CPLX3: variants seen among roughly 807,000 people sequenced by gnomAD.
The protein encoded by CPLX3 is complexin 3.
A neutral mutation model predicts 17.2 loss-of-function variants in CPLX3; 12 were observed. The observed-to-expected ratio is 0.70, with a 90% CI of 0.45 to 1.13. The LOEUF is 1.13. Ranked by LOEUF, CPLX3 falls within the 50% of genes most tolerant of loss-of-function variation. CPLX3 has a pLI of 0.00. For missense variants in CPLX3, 172 were observed against 203.2 expected (o/e 0.85, Z 0.93); for synonymous variants, 75 against 79.4 (o/e 0.94, Z 0.29).
Position 74,826,939 on chromosome 15 carries a change from G to T in CPLX3, c.164+72G>T. Reference sequence around the variant, plus strand: ...CCACAGCTGCTCAGTCCATCCCCGGGCCAGCCTCAGGTCCCAATCCCTTCT... The same window carrying T: ...CCACAGCTGCTCAGTCCATCCCCGGTCCAGCCTCAGGTCCCAATCCCTTCT... On this transcript the variant is annotated intron_variant, in intron 1 of 2. Transcript: ENST00000395018. This position sits in a 1 kb window ranked among gnomAD's most constrained non-coding sequence, Gnocchi z 5.0. 7.2e-7 allele frequency: 1 copy of T among 1,396,904 alleles called. No homozygotes were observed. The highest frequency in any genetic ancestry group is 1.3e-5 in the South Asian group (1 of 79,106). The allele number at this position is 1,396,904 out of a possible 1,614,324, so 86.5% of individuals were successfully genotyped here.
intron 1 of CPLX3, 112 bp from the exon 2 acceptor site, chr15:74,827,922 G>A: frequency 1.2e-6 from 1 of 848,278 alleles, no homozygotes; most frequent in Non-Finnish European, 1.9e-6. Flanking sequence ...GCTACACACA[G>A]GGACCAATGC....
chr15:74,827,904 G>A, intron 1 of CPLX3, 130 bp from the exon 2 acceptor site: 1 of 706,138 alleles, frequency 1.4e-6, no homozygotes, highest in Non-Finnish European at 2.5e-6. Context: ...CCGGGTTGGA[G>A]CGCTTTTGCT....
At chr15:74,827,551 CA>C (rs1339831496) in intron 1 of CPLX3, among the ~76,000 whole-genome samples, 1 of 152,226 alleles carries the variant, frequency 6.6e-6, no homozygotes, top group Non-Finnish European at 1.5e-5. Context: ...GATAAAGTCT[CA>C]TAAATGATAG....
At chr15:74,828,928 G>A (rs1357483078) in intron 2 of CPLX3, among the ~76,000 whole-genome samples, 1 of 152,150 alleles carries the variant, frequency 6.6e-6, no homozygotes, top group Non-Finnish European at 1.5e-5. Flanking sequence ...GGGGAATGAA[G>A]CACAAATCTC....
At chr15:74,828,932 A>C (rs1420499365) in intron 2 of CPLX3, among the ~76,000 whole-genome samples, 1 of 152,222 alleles carries the variant, frequency 6.6e-6, no homozygotes, top group Non-Finnish European at 1.5e-5. Flanking sequence ...AATGAAGCAC[A>C]AATCTCTCCC....
At chr15:74,829,911 C>T (rs555934973) in intron 2 of CPLX3, among the ~76,000 whole-genome samples, 1 of 151,446 alleles carries the variant, frequency 6.6e-6, no homozygotes, top group African/African-American at 2.4e-5. Context: ...TGTATTCCCC[C>T]GGCACTTTGG....
intron 2 of CPLX3, 51 bp downstream of exon 2, chr15:74,828,172 C>T (rs1483607182): frequency 6.8e-7 from 1 of 1,461,680 alleles, no homozygotes; most frequent in South Asian, 1.2e-5. Flanking sequence ...GCTCTGGGTT[C>T]TGGACTCCTT....
At chr15:74,827,277 AGATGGGG>A (rs2063948165) in intron 1 of CPLX3, among the ~76,000 whole-genome samples, 3 of 152,218 alleles carry the variant, frequency 2.0e-5, no homozygotes, top group African/African-American at 7.2e-5. Flanking sequence ...ACAGACCCTG[AGATGGGG>A]GCACTCACAA....
At chr15:74,830,026 T>A in intron 2 of CPLX3, 104 bp from the exon 3 acceptor site, 16 of 722,986 alleles carry the variant, frequency 2.2e-5, no homozygotes, top group Middle Eastern at 4.0e-4. Context: ...AAAAATAGAA[T>A]CTAGGGGCCT....
chr15:74,826,958 C>A lies in CPLX3; in HGVS notation c.164+91C>A. On this transcript the variant is annotated intron_variant, in intron 1 of 2. Transcript: ENST00000395018. The surrounding 1 kb of genome is among the most constrained non-coding windows in gnomAD (Gnocchi z 5.0). The stretch of plus-strand genomic sequence containing the variant: ...CCCCGGGCCAGCCTCAGGTCCCAAT[C>A]CCTTCTCCCCTACTTTCCTAGACAC... 8.7e-7 allele frequency: 1 copy of A among 1,154,426 alleles called. No homozygotes were observed. Among genetic ancestry groups the A allele is most frequent in the Non-Finnish European group, 1.2e-6 (1 of 813,362 alleles). The allele number at this position is 1,154,426 out of a possible 1,614,324, so 71.5% of individuals were successfully genotyped here.
Position 74,830,203 on chromosome 15 carries a change from T to G in CPLX3, c.326T>G (p.Ile109Ser). 6.2e-7 allele frequency: 1 copy of G among 1,613,688 alleles called. No homozygotes were observed. Among genetic ancestry groups the G allele is most frequent in the Non-Finnish European group, 8.5e-7 (1 of 1,179,962 alleles). The change falls in exon 3 of 3, where the codon ATC becomes AGC. Residue 109 changes from isoleucine to serine, a missense_variant. By Grantham distance (142) the Ile-to-Ser change is moderately radical (BLOSUM62 -2). Transcript: ENST00000395018. ...CTGCCCCGGGAGCTGGCCAAGATGA[T>G]CGAGGAGGACACAGAGGAGGAGGAG... ...VELPRELAKM[I>S]EEDTEEEEEK...
chr15:74,831,059 T>C lies in CPLX3; in HGVS notation c.*705T>C, dbSNP rs1019168917. ...TGGGCTCTGGGAGCCGGAGCGATGCTGTGTGAGAGGCAGAGTGCCAAGGAT... is the reference window on the plus strand; with the variant it reads ...TGGGCTCTGGGAGCCGGAGCGATGCCGTGTGAGAGGCAGAGTGCCAAGGAT... On this transcript the variant is annotated 3_prime_UTR_variant, in exon 3 of 3. Coordinates refer to ENST00000395018, the MANE Select transcript of CPLX3 (RefSeq NM_001030005.3). The C allele has an allele frequency of 6.6e-6, 1 of 152,640 alleles. No individual in the cohort carries two copies. Among genetic ancestry groups the C allele is most frequent in the Non-Finnish European group, 1.5e-5 (1 of 68,064 alleles). The allele number at this position is 152,640 out of a possible 1,614,324, so 9.5% of individuals were successfully genotyped here.
Position 74,826,690 on chromosome 15 carries a change from G to A in CPLX3, c.-14G>A, listed in dbSNP as rs764014386. ...CGTGGTAGCAGGCGCCCGGTGCCCC[G>A]GCCGGCGAAGACCATGGCGTTCATG... On this transcript the variant is annotated 5_prime_UTR_variant, in exon 1 of 3. Coordinates refer to ENST00000395018, the MANE Select transcript of CPLX3 (RefSeq NM_001030005.3). This position sits in a 1 kb window ranked among gnomAD's most constrained non-coding sequence, Gnocchi z 5.0. 2 of 1,598,602 alleles carry A rather than the reference G, an allele frequency of 1.3e-6. No homozygotes were observed. The highest frequency in any genetic ancestry group is 1.9e-4 in the Middle Eastern group (1 of 5,290).
In CPLX3 at chr15:74,826,634, A is replaced by C; in HGVS notation, c.-70A>C. Reference sequence around the variant, plus strand: ...GAGCTGTCCGCGAAACCTAGTGCTGAAGTAGGCGCGGACGTGCCCGGTGCC... The same window carrying C: ...GAGCTGTCCGCGAAACCTAGTGCTGCAGTAGGCGCGGACGTGCCCGGTGCC... On this transcript the variant is annotated 5_prime_UTR_variant, in exon 1 of 3. Transcript: ENST00000395018. The surrounding 1 kb of genome is among the most constrained non-coding windows in gnomAD (Gnocchi z 5.0). 4 of 1,511,082 alleles carry C rather than the reference A, an allele frequency of 2.6e-6. No homozygotes were observed. The highest frequency in any genetic ancestry group is 3.6e-6 in the Non-Finnish European group (4 of 1,123,574). 93.6% of individuals were successfully genotyped at this position (1,511,082 alleles called of 1,614,324 possible).
At chr15:74,828,170 T>C in intron 2 of CPLX3, 49 bp downstream of exon 2, 1 of 1,475,464 alleles carries the variant, frequency 6.8e-7, no homozygotes, top group Non-Finnish European at 9.3e-7. Context: ...GAGCTCTGGG[T>C]TCTGGACTCC....
chr15:74,828,111 G>C lies in CPLX3; in HGVS notation c.242G>C (p.Arg81Pro), dbSNP rs776442934. 2 of 1,591,666 alleles carry C rather than the reference G, an allele frequency of 1.3e-6. No homozygotes were observed. The highest frequency in any genetic ancestry group is 2.3e-5 in the South Asian group (2 of 87,540). ...CGGAGCCACTTCCGAGACAAATACC[G>C]GCTACCCAAGGTAAGCTGGCCCCGG... ...TLRSHFRDKY[R>P]LPKNETDESQ... is the part of the protein sequence containing the mutation. Residue 81 changes from arginine to proline, a missense_variant, in exon 2 of 3, where the codon CGG (arginine) becomes CCG (proline). Coordinates refer to ENST00000395018, the MANE Select transcript of CPLX3 (RefSeq NM_001030005.3).
chr15:74,828,101 G>T lies in CPLX3; in HGVS notation c.232G>T (p.Asp78Tyr). Residue 78 changes from aspartate (D) to tyrosine (Y), a missense_variant, in exon 2 of 3, where the codon GAC becomes TAC. Physicochemically the swap from Asp to Tyr is radical, Grantham distance 160. Transcript: ENST00000395018. ...ERATLRSHFR[D>Y]KYRLPKNETD... is the part of the protein sequence containing the mutation. ...GGCCACACTGCGGAGCCACTTCCGAGACAAATACCGGCTACCCAAGGTAAG... is the reference window on the plus strand; with the variant it reads ...GGCCACACTGCGGAGCCACTTCCGATACAAATACCGGCTACCCAAGGTAAG... 6.3e-7 allele frequency: 1 copy of T among 1,599,092 alleles called. No homozygotes were observed. The highest frequency in any genetic ancestry group is 8.5e-7 in the Non-Finnish European group (1 of 1,172,280).
At position 74,828,045 on chromosome 15, in the gene CPLX3, A is replaced by G. The variant is rs763267758; in HGVS notation, c.176A>G (p.Asp59Gly). Residue 59 changes from aspartate (D) to glycine (G), a missense_variant, in exon 2 of 3, where the codon GAT (aspartate) becomes GGT (glycine). Transcript: ENST00000395018. ...CGGTGACCCTGCAGGATGGAGCGGGATGCACAGTTCACACAGAGGAAGGCA... is the reference window on the plus strand; with the variant it reads ...CGGTGACCCTGCAGGATGGAGCGGGGTGCACAGTTCACACAGAGGAAGGCA... ...KQLVEEKMER[D>G]AQFTQRKAER... 12 of 1,606,916 alleles carry G rather than the reference A, an allele frequency of 7.5e-6. No homozygotes were observed. The Admixed American group carries it at 1.5e-4, about 20-fold the overall frequency.
chr15:74,827,067 C>T (rs1244085777), intron 1 of CPLX3, among the ~76,000 whole-genome samples, 200 bp downstream of exon 1: 6 of 152,038 alleles, frequency 3.9e-5, no homozygotes, highest in African/African-American at 1.2e-4. Context: ...CATCATGCTC[C>T]GGCCAAGGGG....
Sources: gnomAD v4.1 joint callset for allele counts (sites outside exome capture counted in the v4.1 genomes callset) on GRCh38, gnomAD v4.1.1 for gene constraint, Gnocchi (gnomAD v3.1) non-coding constraint, MANE v1.5 for transcripts, NCBI Gene and HGNC (gene_info 2026-07-23, HGNC 2026-07-21) for gene names.